The following LRP1B variants were observed in gnomAD, a reference collection of about 807,000 sequenced individuals.
The protein encoded by LRP1B is low-density lipoprotein receptor-related protein 1B.
Under a neutral mutation model 556.6 loss-of-function variants are expected in LRP1B, and 217 were observed. The observed-to-expected ratio is 0.39, with a 90% CI of 0.35 to 0.44. The LOEUF is 0.44. LRP1B is among the 20% of genes least tolerant of loss of function. The pLI, the probability that LRP1B is intolerant of heterozygous loss-of-function variation, is 1.00. For synonymous variants in LRP1B, 2,047 were observed against 1,865.8 expected (o/e 1.10, Z -2.50); for missense variants, 5,053 against 5,620.8 (o/e 0.90, Z 3.23).
intron 3 of LRP1B, among the ~76,000 whole-genome samples, chr2:141,402,838 A>C (rs545577237): frequency 6.6e-6 from 1 of 152,216 alleles, no homozygotes; most frequent in Admixed American, 6.5e-5. Flanking sequence ...AAATTTTTGG[A>C]ATGATGCTTT....
chr2:140,965,156 C>T (rs540998778), intron 18 of LRP1B, among the ~76,000 whole-genome samples: 1 of 152,262 alleles, frequency 6.6e-6, no homozygotes, highest in East Asian at 1.9e-4. Context: ...TAAAGTTCCC[C>T]TGGGGTAGTG....
chr2:140,684,594 C>A (rs1685981718), intron 41 of LRP1B, among the ~76,000 whole-genome samples: 1 of 152,094 alleles, frequency 6.6e-6, no homozygotes, highest in Non-Finnish European at 1.5e-5. Flanking sequence ...ATTACAGATA[C>A]ATTTTGTTTT....
At chr2:141,992,645 T>C (rs776264468) in intron 1 of LRP1B, among the ~76,000 whole-genome samples, 3 of 152,162 alleles carry the variant, frequency 2.0e-5, no homozygotes, top group Non-Finnish European at 4.4e-5. Context: ...CCTTTCTCAT[T>C]GAAAACCTGC....
intron 77 of LRP1B, among the ~76,000 whole-genome samples, chr2:140,349,289 CTA>C (rs1027734822): frequency 6.6e-6 from 1 of 151,994 alleles, no homozygotes; most frequent in African/African-American, 2.4e-5. Flanking sequence ...GAAGATGTGT[CTA>C]TGTTTATCAA....
intron 2 of LRP1B, among the ~76,000 whole-genome samples, chr2:141,649,101 T>C (rs1266988395): frequency 6.6e-6 from 1 of 152,220 alleles, no homozygotes; most frequent in Non-Finnish European, 1.5e-5. Context: ...AGGGTTGTGT[T>C]CAGCTGGGAC....
chr2:140,757,528 A>C (rs1688778283), intron 35 of LRP1B, among the ~76,000 whole-genome samples: 1 of 152,240 alleles, frequency 6.6e-6, no homozygotes, highest in South Asian at 2.1e-4. Flanking sequence ...GCCAGTCACA[A>C]AGGAAAACAT....
chr2:140,298,255 ACTT>A (rs547343255), intron 83 of LRP1B, among the ~76,000 whole-genome samples: 7 of 152,172 alleles, frequency 4.6e-5, no homozygotes, highest in East Asian at 1.9e-4. Context: ...TGCTTAAAGT[ACTT>A]CTTATTTTTA....
intron 32 of LRP1B, among the ~76,000 whole-genome samples, chr2:140,786,626 G>A (rs1689911136): frequency 6.6e-6 from 1 of 152,044 alleles, no homozygotes; most frequent in South Asian, 2.1e-4. Flanking sequence ...CTTAAGCAGA[G>A]AATTTGGAGG....
At chr2:141,075,949 C>A (rs1428024850) in intron 7 of LRP1B, among the ~76,000 whole-genome samples, 4 of 152,098 alleles carry the variant, frequency 2.6e-5, no homozygotes, top group African/African-American at 9.7e-5. Flanking sequence ...ACACATTGTG[C>A]AATAATATTG....
In LRP1B at chr2:140,894,531, C is replaced by CA. The variant is rs35311528; in HGVS notation, c.3767-8197dup. 1.9e-3 allele frequency among the ~76,000 whole-genome samples: 279 copies of CA among 149,722 alleles called. 2 individuals are homozygous for CA. The highest frequency in any genetic ancestry group is 9.8e-3 in the South Asian group (47 of 4,794). ...AGTTGAGGTTGTGAGCCCTGAAGAC[C>CA]AAAAAAAAAATACTGCAGCTATTGA... On this transcript the variant is annotated intron_variant, in intron 23 of 90. Coordinates refer to ENST00000389484, the MANE Select transcript of LRP1B (RefSeq NM_018557.3).
chr2:140,770,770 T>C (rs997989896), intron 34 of LRP1B, 111 bp downstream of exon 34: 10 of 744,574 alleles, frequency 1.3e-5, no homozygotes, highest in Admixed American at 3.1e-5. Flanking sequence ...TCCTAATAAC[T>C]AGTTAATTTT....
In LRP1B at chr2:142,130,731, G is replaced by A. The variant is rs770994297; in HGVS notation, c.-2C>T. The stretch of plus-strand genomic sequence containing the variant: ...TAAGGCGAGGAGAAACTCGGACATT[G>A]TGGTCGCCCGGTAAGGAAGCCTGCG... On this transcript the variant is annotated 5_prime_UTR_variant, in exon 1 of 91. Coordinates refer to ENST00000389484, the MANE Select transcript of LRP1B (RefSeq NM_018557.3). 1 of 1,609,902 alleles carries A rather than the reference G, an allele frequency of 6.2e-7. No homozygotes were observed. The highest frequency in any genetic ancestry group is 1.1e-5 in the South Asian group (1 of 90,282).
rs1201364519 is a variant in LRP1B at position 140,915,488 on chromosome 2, A to G, written c.3320-7411T>C. 5.6e-5 allele frequency among the ~76,000 whole-genome samples: 3 copies of G among 53,762 alleles called. No homozygotes were observed. The Admixed American group carries it at 5.6e-4, about 10-fold the overall frequency. The allele number at this position is 53,762 out of a possible 152,430, so 35.3% of individuals were successfully genotyped here. Reference sequence around the variant, plus strand: ...ACATGGTGAAAACGCATCTCTACTAAAAAGAAAAAAAAAAATTTAGTCAGG... The same window carrying G: ...ACATGGTGAAAACGCATCTCTACTAGAAAGAAAAAAAAAAATTTAGTCAGG... On this transcript the variant is annotated intron_variant, in intron 21 of 90. Coordinates refer to ENST00000389484, the MANE Select transcript of LRP1B (RefSeq NM_018557.3).
At chr2:140,746,057 T>A (rs1205714100) in intron 35 of LRP1B, among the ~76,000 whole-genome samples, 1 of 152,110 alleles carries the variant, frequency 6.6e-6, no homozygotes, top group Non-Finnish European at 1.5e-5. Flanking sequence ...GGATGAGGCC[T>A]ATGACATAGG....
At chr2:140,233,374 CATTA>C (rs1558914269) in intron 90 of LRP1B, 48 bp from the exon 91 acceptor site, 9 of 1,355,716 alleles carry the variant, frequency 6.6e-6, no homozygotes, top group Middle Eastern at 2.5e-4. Flanking sequence ...GTCTTGGCCA[CATTA>C]ATTATTTACT....
chr2:141,781,072 G>A (rs1695236225), intron 2 of LRP1B, among the ~76,000 whole-genome samples: 1 of 152,088 alleles, frequency 6.6e-6, no homozygotes, highest in African/African-American at 2.4e-5. Context: ...GGCACTTGTA[G>A]AGAGGAAAGC....
intron 15 of LRP1B, among the ~76,000 whole-genome samples, chr2:140,994,459 G>A (rs979572934): frequency 6.6e-6 from 1 of 151,088 alleles, no homozygotes; most frequent in African/African-American, 2.4e-5. Context: ...GAATAAAGTG[G>A]TAATGGAGAG....
intron 7 of LRP1B, among the ~76,000 whole-genome samples, chr2:141,113,650 G>A (rs1290934965): frequency 6.6e-6 from 1 of 151,934 alleles, no homozygotes; most frequent in Non-Finnish European, 1.5e-5. Context: ...GGAAATAGAT[G>A]CTAAAATGTA....
chr2:141,799,920 T>C (rs1695951788), intron 2 of LRP1B, among the ~76,000 whole-genome samples: 1 of 152,078 alleles, frequency 6.6e-6, no homozygotes, highest in Non-Finnish European at 1.5e-5. Flanking sequence ...TGCATATGTA[T>C]ATAAATATTA....
Sources: gnomAD v4.1 joint callset for allele counts (sites outside exome capture counted in the v4.1 genomes callset) on GRCh38, gnomAD v4.1.1 for gene constraint, MANE v1.5 for transcripts, NCBI Gene and HGNC (gene_info 2026-07-23, HGNC 2026-07-21) for gene names.